KLHL24: variants seen among roughly 807,000 people sequenced by gnomAD.
KLHL24 encodes kelch like family member 24, also known as kelch-like protein 24.
KLHL24 carries 29 observed loss-of-function variants against 53.4 expected under a neutral mutation model. That is an observed-to-expected ratio of 0.54 (90% CI 0.40 to 0.74). The LOEUF (loss-of-function observed/expected upper bound fraction) is 0.74, where lower values mean the gene tolerates loss of function less well. KLHL24 is among the 30% of genes least tolerant of loss of function. The probability of loss-of-function intolerance (pLI) is 0.00; values close to 1 mark genes in which losing one functional copy is unlikely to be tolerated. For synonymous variants in KLHL24, 222 were observed against 253.7 expected (o/e 0.88, Z 1.19); for missense variants, 504 against 744.0 (o/e 0.68, Z 3.75).
At chr3:183,655,503 C>T (rs576633479) in intron 3 of KLHL24, among the ~76,000 whole-genome samples, 12 of 152,196 alleles carry the variant, frequency 7.9e-5, no homozygotes, top group Non-Finnish European at 1.6e-4. Context: ...GTAGCATGTA[C>T]CTGTAGTCCC....
At chr3:183,667,765 G>A (rs1221056661) in intron 5 of KLHL24, among the ~76,000 whole-genome samples, 4 of 152,064 alleles carry the variant, frequency 2.6e-5, no homozygotes, top group African/African-American at 9.7e-5. Context: ...TGCTGAGGCT[G>A]TAGTGCAGCA....
chr3:183,665,664 C>T lies in KLHL24; in HGVS notation c.1224+625C>T, dbSNP rs546957325. On this transcript the variant is annotated intron_variant, in intron 5 of 7. Coordinates refer to ENST00000242810, the MANE Select transcript of KLHL24 (RefSeq NM_017644.3). ...ACTCAGGAGGGTGAGGCAGGAGAAT[C>T]GCTTGAACCCGGGAGGCGGAGGTTG... Among the ~76,000 whole-genome samples the T allele has an allele frequency of 7.2e-5, 11 of 151,976 alleles. No individual in the cohort carries two copies. The South Asian group carries it at 1.7e-3, about 23-fold the overall frequency.
intron 5 of KLHL24, 116 bp downstream of exon 5, chr3:183,665,155 C>T (rs1214008431): frequency 1.1e-5 from 7 of 633,142 alleles, no homozygotes; most frequent in East Asian, 5.1e-5. Context: ...GTATTTCCTT[C>T]CATTTCTAAC....
intron 3 of KLHL24, among the ~76,000 whole-genome samples, chr3:183,660,213 C>G (rs2108830619): frequency 6.7e-6 from 1 of 150,248 alleles, no homozygotes; most frequent in Non-Finnish European, 1.5e-5. Context: ...CTTGTTGCAG[C>G]TTAAGACTTC....
chr3:183,668,203 T>A (rs1720845122), intron 5 of KLHL24, among the ~76,000 whole-genome samples: 1 of 151,844 alleles, frequency 6.6e-6, no homozygotes, highest in Non-Finnish European at 1.5e-5. Flanking sequence ...AGGCTGTGCC[T>A]CAAGAAGGAC....
intron 4 of KLHL24, chr3:183,664,138 A>C (rs1180092174): frequency 6.6e-6 from 1 of 152,154 alleles, no homozygotes. Flanking sequence ...ACACAGGTAC[A>C]AGATGACATG....
At chr3:183,647,383 T>G (rs995139451) in intron 2 of KLHL24, among the ~76,000 whole-genome samples, 1 of 151,354 alleles carries the variant, frequency 6.6e-6, no homozygotes, top group Non-Finnish European at 1.5e-5. Context: ...GCCACTGCAC[T>G]CCAGCCTGGC....
At chr3:183,649,202 A>G (rs1342813343) in intron 2 of KLHL24, among the ~76,000 whole-genome samples, 2 of 152,224 alleles carry the variant, frequency 1.3e-5, no homozygotes, top group Non-Finnish European at 2.9e-5. Context: ...TAGAAAATAG[A>G]GAAGATAAAT....
chr3:183,663,285 C>T lies in KLHL24; in HGVS notation c.921-173C>T, dbSNP rs9290769. On this transcript the variant is annotated intron_variant, in intron 3 of 7. Coordinates refer to ENST00000242810, the MANE Select transcript of KLHL24 (RefSeq NM_017644.3). The surrounding 1 kb of genome is among the most constrained non-coding windows in gnomAD (Gnocchi z 4.9). ...ATGATGTCACTAGCTCCCCTATAAA[C>T]GTTCTCAAAGTAAGTAATTTCCAGG... is the stretch of plus-strand genomic sequence containing the variant. Among the ~76,000 whole-genome samples, 2 of 151,826 alleles carry T rather than the reference C, an allele frequency of 1.3e-5. No homozygotes were observed. Among genetic ancestry groups the T allele is most frequent in the Non-Finnish European group, 2.9e-5 (2 of 67,966 alleles).
At chr3:183,668,667 G>A (rs1456501080) in intron 5 of KLHL24, among the ~76,000 whole-genome samples, 1 of 152,176 alleles carries the variant, frequency 6.6e-6, no homozygotes, top group Non-Finnish European at 1.5e-5. Flanking sequence ...AGCACTTTGG[G>A]AGGCCGAGGC....
intron 1 of KLHL24, among the ~76,000 whole-genome samples, chr3:183,640,507 G>T (rs1716211339): frequency 6.6e-6 from 1 of 152,048 alleles, no homozygotes; most frequent in African/African-American, 2.4e-5. Flanking sequence ...TAATAAATAT[G>T]GGGTAATCCA....
intron 5 of KLHL24, among the ~76,000 whole-genome samples, chr3:183,665,675 G>A (rs915982486): frequency 3.9e-5 from 6 of 151,982 alleles, no homozygotes; most frequent in African/African-American, 1.2e-4. Flanking sequence ...GCTTGAACCC[G>A]GGAGGCGGAG....
intron 1 of KLHL24, among the ~76,000 whole-genome samples, chr3:183,640,593 CTT>C (rs764790183): frequency 6.9e-6 from 1 of 144,750 alleles, no homozygotes; most frequent in African/African-American, 2.6e-5. Flanking sequence ...TTTCTTTTTT[CTT>C]TTTTCTTTTT....
At chr3:183,666,608 C>A (rs754246429) in intron 5 of KLHL24, among the ~76,000 whole-genome samples, 62 of 152,154 alleles carry the variant, frequency 4.1e-4, no homozygotes, top group Middle Eastern at 3.4e-3. Context: ...TCATTATATT[C>A]ATTGAGCATC....
At chr3:183,643,763 T>C (rs747686032) in intron 2 of KLHL24, among the ~76,000 whole-genome samples, 8 of 152,210 alleles carry the variant, frequency 5.3e-5, no homozygotes, top group African/African-American at 1.7e-4. Context: ...GATCAACTTA[T>C]ATACATTAAC....
At position 183,638,431 on chromosome 3, in the gene KLHL24, C is replaced by G. The variant is rs373308005; in HGVS notation, c.-125+2638C>G. 1.4e-4 allele frequency among the ~76,000 whole-genome samples: 20 copies of G among 139,718 alleles called. 1 individual carries two copies. The highest frequency in any genetic ancestry group is 5.7e-4 in the Admixed American group (8 of 14,086). 91.7% of individuals were successfully genotyped at this position (139,718 alleles called of 152,430 possible). A position where few individuals can be genotyped will look rare whatever the true frequency, so the allele number is the denominator to read the frequency against. On this transcript the variant is annotated intron_variant, in intron 1 of 7. Coordinates refer to ENST00000242810, the MANE Select transcript of KLHL24 (RefSeq NM_017644.3). ...TAAATACTATTAATCAAATAAGTGA[C>G]CACAGTTATTTTTGTCTATTTGACA... is the stretch of plus-strand genomic sequence containing the variant.
At position 183,648,466 on chromosome 3, in the gene KLHL24, T is replaced by C. The variant is rs144958773; in HGVS notation, c.-61-1830T>C. On this transcript the variant is annotated intron_variant, in intron 2 of 7. Coordinates refer to ENST00000242810, the MANE Select transcript of KLHL24 (RefSeq NM_017644.3). ...TAGGATGGCATCTCATTTTTTAGAT[T>C]ATATTATCTGTGACATCCTTTAGCT... Among the ~76,000 whole-genome samples the C allele has an allele frequency of 1.7e-4, 26 of 151,808 alleles. No homozygotes were observed. The East Asian group carries it at 3.7e-3, about 22-fold the overall frequency.
intron 3 of KLHL24, among the ~76,000 whole-genome samples, chr3:183,655,829 G>A (rs746709707): frequency 3.9e-5 from 6 of 151,980 alleles, no homozygotes; most frequent in Non-Finnish European, 7.4e-5. Flanking sequence ...GGCTGAGGAG[G>A]CTGAGGCAGG....
intron 3 of KLHL24, among the ~76,000 whole-genome samples, chr3:183,655,246 C>T (rs537452408): frequency 2.6e-5 from 4 of 152,174 alleles, no homozygotes; most frequent in Non-Finnish European, 5.9e-5. Flanking sequence ...AGCACGAAAG[C>T]TTTGATAATC....
Sources: gnomAD v4.1 joint callset for allele counts (sites outside exome capture counted in the v4.1 genomes callset) on GRCh38, gnomAD v4.1.1 for gene constraint, Gnocchi (gnomAD v3.1) non-coding constraint, MANE v1.5 for transcripts, NCBI Gene and HGNC (gene_info 2026-07-23, HGNC 2026-07-21) for gene names.